PLEKHA7: variants seen among roughly 807,000 people sequenced by gnomAD.
PLEKHA7 encodes pleckstrin homology domain-containing family A member 7.
Under a neutral mutation model 170.0 loss-of-function variants are expected in PLEKHA7, and 104 were observed. The ratio of observed to expected loss-of-function variants is 0.61; its 90% confidence interval spans 0.52 to 0.72. PLEKHA7 has a LOEUF of 0.72. PLEKHA7 is among the 30% of genes least tolerant of loss of function. The pLI is 0.00. For synonymous variants in PLEKHA7, 648 were observed against 660.8 expected (o/e 0.98, Z 0.30); for missense variants, 1,615 against 1,671.7 (o/e 0.97, Z 0.59).
intron 3 of PLEKHA7, among the ~76,000 whole-genome samples, chr11:16,905,204 G>A (rs1397951770): frequency 6.6e-6 from 1 of 152,102 alleles, no homozygotes; most frequent in Non-Finnish European, 1.5e-5. Context: ...GTAAGCCATG[G>A]TCATGCCACT....
intron 9 of PLEKHA7, among the ~76,000 whole-genome samples, chr11:16,831,807 C>T (rs939668318): frequency 6.6e-6 from 1 of 152,196 alleles, no homozygotes; most frequent in African/African-American, 2.4e-5. Flanking sequence ...TGCACAGAAA[C>T]AGCACAGCAC....
At chr11:16,873,149 T>C (rs1855000792) in intron 3 of PLEKHA7, among the ~76,000 whole-genome samples, 1 of 152,176 alleles carries the variant, frequency 6.6e-6, no homozygotes, top group Admixed American at 6.5e-5. Flanking sequence ...ATCATCTCAG[T>C]TGGTATTGTT....
intron 3 of PLEKHA7, among the ~76,000 whole-genome samples, chr11:16,891,779 C>A (rs1856632943): frequency 6.6e-6 from 1 of 152,138 alleles, no homozygotes; most frequent in Non-Finnish European, 1.5e-5. Flanking sequence ...TGGAGGAAGT[C>A]CAGGAGAGAC....
intron 9 of PLEKHA7, among the ~76,000 whole-genome samples, chr11:16,838,541 A>T (rs1564989757): frequency 6.6e-6 from 1 of 151,740 alleles, no homozygotes; most frequent in South Asian, 2.1e-4. Context: ...AGTGGAAATA[A>T]ATATAAAAGA....
intron 23 of PLEKHA7, chr11:16,788,204 T>A (rs562696872): frequency 6.6e-6 from 1 of 152,528 alleles, no homozygotes; most frequent in Admixed American, 6.5e-5. Flanking sequence ...GACAAGTGAA[T>A]TATGAGTCAG....
intron 3 of PLEKHA7, among the ~76,000 whole-genome samples, chr11:16,912,167 A>C (rs1420838440): frequency 6.6e-6 from 1 of 152,216 alleles, no homozygotes; most frequent in African/African-American, 2.4e-5. Flanking sequence ...CTTACTCCTT[A>C]TTCAGTGGAA....
At chr11:16,906,297 A>C (rs1857683546) in intron 3 of PLEKHA7, among the ~76,000 whole-genome samples, 1 of 92,746 alleles carries the variant, frequency 1.1e-5, no homozygotes. Context: ...GAAAATTGGA[A>C]AGGCTCCTCC....
intron 3 of PLEKHA7, among the ~76,000 whole-genome samples, chr11:16,890,314 A>C (rs905381508): frequency 6.6e-6 from 1 of 152,234 alleles, no homozygotes; most frequent in Non-Finnish European, 1.5e-5. Flanking sequence ...CTAACCTTAA[A>C]CATAAATGGA....
intron 18 of PLEKHA7, 66 bp downstream of exon 18, chr11:16,794,844 C>G: frequency 6.7e-7 from 1 of 1,489,228 alleles, no homozygotes; most frequent in South Asian, 1.1e-5. Context: ...TGGTTCCCAG[C>G]CTTCCACCCT....
intron 11 of PLEKHA7, 64 bp from the exon 12 acceptor site, chr11:16,816,328 G>A (rs1300894614): frequency 4.2e-5 from 48 of 1,136,772 alleles, no homozygotes; most frequent in Non-Finnish European, 5.9e-5. Context: ...TCCCAGGGAA[G>A]CCGCCCCATG....
intron 3 of PLEKHA7, among the ~76,000 whole-genome samples, chr11:16,895,523 G>A (rs1413165364): frequency 6.6e-6 from 1 of 152,148 alleles, no homozygotes; most frequent in Non-Finnish European, 1.5e-5. Flanking sequence ...CAGCAGGGAG[G>A]GATGCAGACA....
In PLEKHA7 at chr11:16,817,043, G is replaced by C. The variant is rs762773358; in HGVS notation, c.1623C>G (p.Ile541Met). 1.9e-6 allele frequency: 3 copies of C among 1,608,084 alleles called. No homozygotes were observed. Among genetic ancestry groups the C allele is most frequent in the East Asian group, 2.2e-5 (1 of 44,812 alleles). The change falls in exon 11 of 27, where the codon ATC becomes ATG. Residue 541 changes from isoleucine to methionine, a missense_variant. By Grantham distance (10) the Ile-to-Met change is conservative (BLOSUM62 1). Transcript: ENST00000531066. This position sits in a 1 kb window ranked among gnomAD's most constrained non-coding sequence, Gnocchi z 4.4. ...CGGTGAACTCTGGGGAGCCAAGGCA[G>C]ATGGGCGCTGTGGGGCTGCCGTGCC... ...QFRHGSPTAP[I>M]CLGSPEFTDQ... is the part of the protein sequence containing the mutation.
chr11:16,833,990 G>GTATAT (rs1564982930), intron 9 of PLEKHA7, among the ~76,000 whole-genome samples: 2 of 151,164 alleles, frequency 1.3e-5, no homozygotes, highest in African/African-American at 4.9e-5. Flanking sequence ...TTTATATATA[G>GTATAT]ATATATGTTT....
intron 23 of PLEKHA7, chr11:16,787,262 T>G (rs1369003473): frequency 1.0e-6 from 1 of 983,074 alleles, no homozygotes. Flanking sequence ...AGCAGATGCT[T>G]ATCTATCCCA....
At chr11:16,992,769 A>G (rs1426290996) in intron 3 of PLEKHA7, among the ~76,000 whole-genome samples, 1 of 151,968 alleles carries the variant, frequency 6.6e-6, no homozygotes, top group Non-Finnish European at 1.5e-5. Flanking sequence ...AAAAAAAAAA[A>G]AAAAGAATTA....
At chr11:16,825,495 A>T (rs1300777720) in intron 10 of PLEKHA7, among the ~76,000 whole-genome samples, 2 of 152,264 alleles carry the variant, frequency 1.3e-5, no homozygotes, top group Non-Finnish European at 2.9e-5. Flanking sequence ...GCTTCTGGGG[A>T]CAACGGGGAA....
In PLEKHA7 at chr11:16,917,773, C is replaced by T. The variant is rs549382534; in HGVS notation, c.222-46591G>A. On this transcript the variant is annotated intron_variant, in intron 3 of 26. Transcript: ENST00000531066. ...AGCACATGGACATCTTTTGGAGGAG[C>T]CCATCATCTGGCCCACTCCACTATC... 2.6e-5 allele frequency among the ~76,000 whole-genome samples: 4 copies of T among 152,354 alleles called. No individual in the cohort carries two copies. In the East Asian group the frequency reaches 7.7e-4, roughly 29 times the overall value.
chr11:17,008,457 C>G (rs1251618409), intron 3 of PLEKHA7, among the ~76,000 whole-genome samples: 1 of 152,220 alleles, frequency 6.6e-6, no homozygotes. Flanking sequence ...CGACTGTATC[C>G]AAGAAGCCTG....
At chr11:16,976,242 C>T (rs1316126266) in intron 3 of PLEKHA7, among the ~76,000 whole-genome samples, 3 of 152,236 alleles carry the variant, frequency 2.0e-5, no homozygotes, top group Admixed American at 2.0e-4. Context: ...AAGCTATGAA[C>T]TTTGGGAAAT....
Sources: gnomAD v4.1 joint callset for allele counts (sites outside exome capture counted in the v4.1 genomes callset) on GRCh38, gnomAD v4.1.1 for gene constraint, Gnocchi (gnomAD v3.1) non-coding constraint, MANE v1.5 for transcripts, NCBI Gene and HGNC (gene_info 2026-07-23, HGNC 2026-07-21) for gene names.